STRBP: variants seen among roughly 807,000 people sequenced by gnomAD.
The protein encoded by STRBP is spermatid perinuclear RNA-binding protein.
A neutral mutation model predicts 80.1 loss-of-function variants in STRBP; 13 were observed. The ratio of observed to expected loss-of-function variants is 0.16; its 90% CI spans 0.11 to 0.26. The LOEUF is 0.26. STRBP is among the 10% of genes least tolerant of loss of function. STRBP has a pLI of 1.00. For missense variants in STRBP, 485 were observed against 815.2 expected, an observed-to-expected ratio of 0.59 and a Z score of 4.93; for synonymous variants, 284 against 291.2, an observed-to-expected ratio of 0.98 and a Z score of 0.25.
At chr9:123,241,693 T>C (rs1486543657) in intron 1 of STRBP, among the ~76,000 whole-genome samples, 1 of 152,222 alleles carries the variant, frequency 6.6e-6, no homozygotes, top group Non-Finnish European at 1.5e-5. Flanking sequence ...ACACATCCTG[T>C]TGACTCTATC....
At chr9:123,127,469 T>C (rs1381774498) in intron 18 of STRBP, among the ~76,000 whole-genome samples, 1 of 152,234 alleles carries the variant, frequency 6.6e-6, no homozygotes, top group Non-Finnish European at 1.5e-5. Context: ...TTCTATAACA[T>C]GTAGCACCTG....
Position 123,123,819 on chromosome 9 carries a change from C to T in STRBP, c.*1778G>A. ...TTAATAAAAACTGGACACTATCAGC[C>T]ATGCTTTTTCTTCTCAGTGATGGCT... is the stretch of plus-strand genomic sequence containing the variant. On this transcript the variant is annotated 3_prime_UTR_variant, in exon 19 of 19. Transcript: ENST00000348403. 1.0e-6 allele frequency: 1 copy of T among 985,418 alleles called. No individual in the cohort carries two copies. The highest frequency in any genetic ancestry group is 1.2e-6 in the Non-Finnish European group (1 of 829,936). 61.0% of individuals were successfully genotyped at this position (985,418 alleles called of 1,614,324 possible).
chr9:123,235,000 G>GC (rs961384978), intron 2 of STRBP, among the ~76,000 whole-genome samples: 1 of 148,912 alleles, frequency 6.7e-6, no homozygotes, highest in African/African-American at 2.5e-5. Flanking sequence ...TTTTTTTGGG[G>GC]GGGGGGGGTA....
At chr9:123,145,103 G>C (rs1486465445) in intron 13 of STRBP, among the ~76,000 whole-genome samples, 2 of 152,116 alleles carry the variant, frequency 1.3e-5, no homozygotes, top group Non-Finnish European at 2.9e-5. Flanking sequence ...GTAAATAAAA[G>C]TAAGAAGGTC....
At chr9:123,146,760 A>T in intron 13 of STRBP, 95 bp downstream of exon 13, 1 of 1,101,096 alleles carries the variant, frequency 9.1e-7, no homozygotes, top group Non-Finnish European at 1.3e-6. Context: ...TTGCTATTAA[A>T]ATGTTTTTAA....
Position 123,179,049 on chromosome 9 carries a change from T to C in STRBP, c.182A>G (p.Glu61Gly), listed in dbSNP as rs1450308251. ...ETNKGTKTEG[E>G]TEVKKDEAGE... is the part of the protein sequence containing the mutation. ...GGCCTCATCTTTCTTCACTTCTGTC[T>C]CACCCTCTGTTTTTGTGCCTTTATT... is the stretch of plus-strand genomic sequence containing the variant. The change falls in exon 4 of 19, where the codon GAG becomes GGG. Residue 61 changes from glutamate (E) to glycine (G), a missense_variant. Coordinates refer to ENST00000348403, the MANE Select transcript of STRBP (RefSeq NM_018387.5). 1 of 1,614,170 alleles carries C rather than the reference T, an allele frequency of 6.2e-7. No individual in the cohort carries two copies. Among genetic ancestry groups the C allele is most frequent in the Non-Finnish European group, 8.5e-7 (1 of 1,179,998 alleles).
intron 2 of STRBP, among the ~76,000 whole-genome samples, chr9:123,219,375 C>T (rs77254146): frequency 0.02 from 3,070 of 152,314 alleles, 51 homozygotes; most frequent in Middle Eastern, 0.031. Flanking sequence ...ACCTCCTTCA[C>T]AGGATATTCT....
intron 13 of STRBP, among the ~76,000 whole-genome samples, chr9:123,141,799 G>C (rs573404497): frequency 7.2e-5 from 11 of 152,302 alleles, no homozygotes; most frequent in African/African-American, 2.4e-4. Context: ...GTCCAACACA[G>C]TGTAACCAAA....
chr9:123,225,076 C>G (rs944015460), intron 2 of STRBP, among the ~76,000 whole-genome samples: 32 of 152,142 alleles, frequency 2.1e-4, no homozygotes, highest in African/African-American at 7.5e-4. Flanking sequence ...AGAAACCATA[C>G]ACACACAATT....
At chr9:123,218,355 CTTTTTTTTTTTT>C (rs10689260) in intron 2 of STRBP, among the ~76,000 whole-genome samples, 2 of 102,436 alleles carry the variant, frequency 2.0e-5, no homozygotes, top group African/African-American at 8.8e-5. Flanking sequence ...TTAAATATGA[CTTTTTTTTTTTT>C]TTTTTTTTTT....
At chr9:123,184,632 T>A (rs768505540) in intron 2 of STRBP, among the ~76,000 whole-genome samples, 17 of 152,136 alleles carry the variant, frequency 1.1e-4, no homozygotes, top group Non-Finnish European at 2.5e-4. Flanking sequence ...CAGTTAACCA[T>A]TAGATTTTCA....
chr9:123,129,785 A>C (rs914019216), intron 17 of STRBP, among the ~76,000 whole-genome samples: 1 of 152,224 alleles, frequency 6.6e-6, no homozygotes, highest in Admixed American at 6.5e-5. Flanking sequence ...ATGCTGAAGA[A>C]GTAAACTGCT....
intron 1 of STRBP, among the ~76,000 whole-genome samples, chr9:123,258,784 G>C (rs550467250): frequency 3.6e-4 from 48 of 133,700 alleles, no homozygotes; most frequent in South Asian, 2.4e-3. Context: ...CTGGGTGACA[G>C]AGCGAGACTC....
At chr9:123,148,687 T>C (rs1202311462) in intron 11 of STRBP, among the ~76,000 whole-genome samples, 1 of 152,226 alleles carries the variant, frequency 6.6e-6, no homozygotes, top group Non-Finnish European at 1.5e-5. Context: ...TCAAATCCTA[T>C]TCAAAATTTT....
chr9:123,202,163 T>TA (rs2039350541), intron 2 of STRBP, among the ~76,000 whole-genome samples: 1 of 152,238 alleles, frequency 6.6e-6, no homozygotes, highest in Non-Finnish European at 1.5e-5. Flanking sequence ...TTGGATTCTG[T>TA]ATCCATTCTG....
In STRBP at chr9:123,139,510, G is replaced by T; in HGVS notation, c.1497+19C>A. On this transcript the variant is annotated intron_variant, in intron 14 of 18. Transcript: ENST00000348403. The stretch of plus-strand genomic sequence containing the variant: ...TGCACATATATGTTATTTTTTTTCT[G>T]AGAAAAAAATAAGTATACCTCTAAG... The T allele has an allele frequency of 6.5e-7, 1 of 1,534,116 alleles. No individual in the cohort carries two copies. Among genetic ancestry groups the T allele is most frequent in the Non-Finnish European group, 8.7e-7 (1 of 1,146,262 alleles).
At chr9:123,186,361 T>C (rs906883440) in intron 2 of STRBP, among the ~76,000 whole-genome samples, 3 of 152,108 alleles carry the variant, frequency 2.0e-5, no homozygotes, top group African/African-American at 4.8e-5. Flanking sequence ...AATAATTGAA[T>C]AGATTGAAGG....
At position 123,132,917 on chromosome 9, in the gene STRBP, C is replaced by A. The variant is rs1360188666; in HGVS notation, c.1825G>T (p.Gly609Cys). 21 of 1,614,030 alleles carry A rather than the reference C, an allele frequency of 1.3e-5. No homozygotes were observed. In the Admixed American group the frequency reaches 3.3e-4, roughly 26 times the overall value. The change falls in exon 17 of 19, where the codon GGC becomes TGC. Residue 609 changes from glycine to cysteine, a missense_variant. Gly to Cys is a radical substitution (Grantham distance 159). Around this residue, in one of 3 missense-constraint regions of STRBP, gnomAD observed 85 missense variants for 120.1 expected, o/e 0.71. Coordinates refer to ENST00000348403, the MANE Select transcript of STRBP (RefSeq NM_018387.5). ...CTTGTTAGAGTTCCTCTTCCTCTGC[C>A]CCGAACAGCTTGGACTGCTGCAGAC... ...AVSAAVQAVR[G>C]RGRGTLTRGA...
In STRBP at chr9:123,158,076, C is replaced by T; in HGVS notation, c.981G>A (p.Glu327=). ...GCTTACTAGATGGAAGGGGGTCCAT[C>T]TCCAGCACTTTGTAAATCTGGCCAA... ...SAFGQIYKVL[E]MDPLPSSKPF... is the part of the protein sequence containing the mutation. The change falls in exon 11 of 19, where the codon GAG becomes GAA. Residue 327 remains glutamate, a synonymous_variant. Transcript: ENST00000348403. 2 of 1,610,076 alleles carry T rather than the reference C, an allele frequency of 1.2e-6. No individual in the cohort carries two copies. Among genetic ancestry groups the T allele is most frequent in the South Asian group, 1.1e-5 (1 of 90,726 alleles).
Sources: gnomAD v4.1 joint callset for allele counts (sites outside exome capture counted in the v4.1 genomes callset) on GRCh38, gnomAD v4.1.1 for gene constraint, gnomAD v4.1.1 regional missense constraint, MANE v1.5 for transcripts, NCBI Gene and HGNC (gene_info 2026-07-23, HGNC 2026-07-21) for gene names.